Variants in SH3RF1 observed in about 807,000 individuals in gnomAD.
SH3RF1 encodes E3 ubiquitin-protein ligase SH3RF1.
SH3RF1 carries 32 observed loss-of-function variants against 74.0 expected under a neutral mutation model. That is an observed-to-expected ratio of 0.43 (90% confidence interval 0.33 to 0.58). The LOEUF (loss-of-function observed/expected upper bound fraction) is 0.58. Ranked by LOEUF, SH3RF1 falls within the 20% of genes least tolerant of loss-of-function variation. SH3RF1 has a pLI of 0.05. For synonymous variants in SH3RF1, 396 were observed against 439.6 expected, an observed-to-expected ratio of 0.90 and a Z score of 1.24; for missense variants, 954 against 1,130.9, an observed-to-expected ratio of 0.84 and a Z score of 2.24.
chr4:169,196,467 T>C (rs1734813475), intron 2 of SH3RF1, among the ~76,000 whole-genome samples: 1 of 152,238 alleles, frequency 6.6e-6, no homozygotes, highest in African/African-American at 2.4e-5. Context: ...GGTGTGCTAC[T>C]GCTTTTGCAA....
At chr4:169,226,852 C>T (rs1730659483) in intron 2 of SH3RF1, among the ~76,000 whole-genome samples, 2 of 152,228 alleles carry the variant, frequency 1.3e-5, no homozygotes, top group Admixed American at 1.3e-4. Flanking sequence ...TGTACTACCT[C>T]AGTCACCTAA....
Position 169,117,698 on chromosome 4 carries a change from G to T in SH3RF1, c.1602C>A (p.Ser534=). The change falls in exon 9 of 12, where the codon TCC becomes TCA. Residue 534 remains serine (S), a synonymous_variant. Coordinates refer to ENST00000284637, the MANE Select transcript of SH3RF1 (RefSeq NM_020870.4). ...TSRGVTMVSP[S]TAGGPAQKLQ... ...GCTTCTGGGCAGGCCCTCCTGCCGT[G>T]GAAGGACTGACCATGGTCACTCCCC... is the stretch of plus-strand genomic sequence containing the variant. 1 of 1,614,186 alleles carries T rather than the reference G, an allele frequency of 6.2e-7. No individual in the cohort carries two copies. The highest frequency in any genetic ancestry group is 8.5e-7 in the Non-Finnish European group (1 of 1,180,040).
At chr4:169,115,578 A>G (rs1733318549) in intron 10 of SH3RF1, among the ~76,000 whole-genome samples, 1 of 152,172 alleles carries the variant, frequency 6.6e-6, no homozygotes, top group Non-Finnish European at 1.5e-5. Flanking sequence ...CAGGGCTCCC[A>G]CTAATTCTAC....
intron 4 of SH3RF1, among the ~76,000 whole-genome samples, chr4:169,138,598 C>T (rs952670344): frequency 3.9e-5 from 6 of 152,116 alleles, no homozygotes; most frequent in Non-Finnish European, 5.9e-5. Context: ...ACTTTCTTCT[C>T]ATTGAGGCAA....
At chr4:169,210,274 G>A (rs1730335965) in intron 2 of SH3RF1, among the ~76,000 whole-genome samples, 1 of 151,840 alleles carries the variant, frequency 6.6e-6, no homozygotes, top group African/African-American at 2.4e-5. Context: ...TTACATATTT[G>A]CATCATCTTA....
intron 2 of SH3RF1, among the ~76,000 whole-genome samples, chr4:169,222,704 C>T (rs1353069240): frequency 6.6e-6 from 1 of 151,938 alleles, no homozygotes; most frequent in African/African-American, 2.4e-5. Flanking sequence ...TATTGCTTCC[C>T]TTGTTAATCT....
Position 169,136,299 on chromosome 4 carries a change from C to T in SH3RF1, c.1068+19G>A, listed in dbSNP as rs760813044. 7.2e-7 allele frequency: 1 copy of T among 1,396,548 alleles called. No individual in the cohort carries two copies. The highest frequency in any genetic ancestry group is 9.4e-7 in the Non-Finnish European group (1 of 1,067,362). The allele number at this position is 1,396,548 out of a possible 1,614,324, so 86.5% of individuals were successfully genotyped here. ...TTGTGGGTGAGCTCTTTTTATATAA[C>T]ACTTGTTTGAGGATTTACCTGAGAA... On this transcript the variant is annotated intron_variant, in intron 5 of 11. Coordinates refer to ENST00000284637, the MANE Select transcript of SH3RF1 (RefSeq NM_020870.4).
intron 2 of SH3RF1, among the ~76,000 whole-genome samples, chr4:169,206,443 T>C (rs1329390920): frequency 6.6e-6 from 1 of 152,020 alleles, no homozygotes; most frequent in Non-Finnish European, 1.5e-5. Flanking sequence ...GAAGCCAAGG[T>C]GGGAGGATGG....
chr4:169,259,789 T>G (rs1731248120), intron 2 of SH3RF1, among the ~76,000 whole-genome samples: 1 of 152,218 alleles, frequency 6.6e-6, no homozygotes, highest in Non-Finnish European at 1.5e-5. Context: ...GAGGCTTGCC[T>G]GCTATCTGAG....
intron 2 of SH3RF1, among the ~76,000 whole-genome samples, chr4:169,164,540 G>A (rs1423396736): frequency 3.3e-5 from 5 of 152,152 alleles, no homozygotes; most frequent in Admixed American, 3.3e-4. Context: ...AGACATGGGA[G>A]GTACAGAAAT....
At chr4:169,103,901 C>A (rs1253878912) in intron 11 of SH3RF1, among the ~76,000 whole-genome samples, 1 of 152,200 alleles carries the variant, frequency 6.6e-6, no homozygotes, top group Non-Finnish European at 1.5e-5. Context: ...TACAAAAAAA[C>A]CTATCAAAGA....
chr4:169,117,926 A>G (rs1733365177), intron 8 of SH3RF1, 144 bp from the exon 9 acceptor site: 1 of 1,133,688 alleles, frequency 8.8e-7, no homozygotes, highest in Non-Finnish European at 1.2e-6. Flanking sequence ...AAGTTTAAGA[A>G]TAGAAAATTC....
intron 4 of SH3RF1, among the ~76,000 whole-genome samples, chr4:169,138,123 T>G (rs1045199254): frequency 1.3e-5 from 2 of 152,174 alleles, no homozygotes; most frequent in African/African-American, 4.8e-5. Flanking sequence ...ATTACAAGCA[T>G]TTTCAAGGCA....
At chr4:169,168,274 C>T (rs1055950610) in intron 2 of SH3RF1, among the ~76,000 whole-genome samples, 5 of 152,110 alleles carry the variant, frequency 3.3e-5, no homozygotes, top group Non-Finnish European at 5.9e-5. Context: ...GTCTACTTTT[C>T]CAAAAGGAAA....
intron 2 of SH3RF1, among the ~76,000 whole-genome samples, chr4:169,235,255 T>G (rs1730807901): frequency 1.3e-5 from 2 of 152,208 alleles, no homozygotes; most frequent in Non-Finnish European, 1.5e-5. Context: ...CACAGTGATA[T>G]CCTTACAGAC....
chr4:169,241,700 C>T (rs1730913642), intron 2 of SH3RF1, among the ~76,000 whole-genome samples: 1 of 152,158 alleles, frequency 6.6e-6, no homozygotes, highest in Admixed American at 6.5e-5. Flanking sequence ...ATAAAAAACA[C>T]AGGCTGAAAC....
At chr4:169,213,076 G>A (rs776025923) in intron 2 of SH3RF1, among the ~76,000 whole-genome samples, 2 of 152,184 alleles carry the variant, frequency 1.3e-5, no homozygotes, top group Non-Finnish European at 2.9e-5. Context: ...AGATCATATA[G>A]TAAGAGTATG....
chr4:169,096,406 C>T lies in SH3RF1; in HGVS notation c.*113G>A. 1.8e-6 allele frequency: 2 copies of T among 1,134,210 alleles called. No homozygotes were observed. Among genetic ancestry groups the T allele is most frequent in the East Asian group, 2.4e-5 (1 of 42,480 alleles). 70.3% of individuals were successfully genotyped at this position (1,134,210 alleles called of 1,614,324 possible). On this transcript the variant is annotated 3_prime_UTR_variant, in exon 12 of 12. Transcript: ENST00000284637. The stretch of plus-strand genomic sequence containing the variant: ...TGGGGCATCAGAGTCACATACCAAT[C>T]CTTTGCTCATCTCCTGACCATCTGG...
intron 2 of SH3RF1, among the ~76,000 whole-genome samples, chr4:169,244,413 AT>A (rs5863989): frequency 1.3e-5 from 2 of 149,938 alleles, no homozygotes; most frequent in African/African-American, 4.9e-5. Context: ...TCTTCCCAGT[AT>A]TTTTTTTTTA....
Sources: allele counts gnomAD v4.1 joint callset (sites outside exome capture counted in the v4.1 genomes callset), GRCh38; gene constraint gnomAD v4.1.1; transcripts MANE v1.5; gene names NCBI Gene and HGNC (gene_info 2026-07-23, HGNC 2026-07-21).